The following UNC5C variants were observed in gnomAD, a reference collection of about 807,000 sequenced individuals.
UNC5C encodes the protein unc-5 netrin receptor C.
A neutral mutation model predicts 99.8 loss-of-function variants in UNC5C; 47 were observed. The ratio of observed to expected loss-of-function variants is 0.47; its 90% confidence interval spans 0.37 to 0.60. UNC5C has a LOEUF of 0.60. UNC5C is among the 20% of genes least tolerant of loss of function. UNC5C has a pLI of 0.00. For synonymous variants in UNC5C, 487 were observed against 452.2 expected (o/e 1.08, Z -0.98); for missense variants, 1,062 against 1,165.9 (o/e 0.91, Z 1.30).
chr4:95,423,920 A>T (rs186282624), intron 1 of UNC5C, among the ~76,000 whole-genome samples: 17 of 152,342 alleles, frequency 1.1e-4, no homozygotes, highest in Admixed American at 7.8e-4. Context: ...TAGTATAGTG[A>T]TTATTGTTTC....
chr4:95,493,730 A>C (rs141868284), intron 1 of UNC5C, among the ~76,000 whole-genome samples: 15 of 151,552 alleles, frequency 9.9e-5, no homozygotes, highest in Non-Finnish European at 1.9e-4. Context: ...TAGGAATTTA[A>C]GAAATACTGA....
chr4:95,347,728 C>T (rs1743830517), intron 1 of UNC5C, among the ~76,000 whole-genome samples: 1 of 152,086 alleles, frequency 6.6e-6, no homozygotes, highest in African/African-American at 2.4e-5. Flanking sequence ...AAACTAGACC[C>T]CTATCTCTCA....
chr4:95,489,248 C>T lies in UNC5C; in HGVS notation c.124+59486G>A, dbSNP rs117279811. On this transcript the variant is annotated intron_variant, in intron 1 of 15. Transcript: ENST00000453304. ...AAATGCCTGTAAGAAAGGACATGTT[C>T]AATTTCTGAGGTTGGGACACTGCAA... is the stretch of plus-strand genomic sequence containing the variant. Among the ~76,000 whole-genome samples the T allele has an allele frequency of 4.4e-4, 67 of 151,572 alleles. No individual in the cohort carries two copies. The East Asian group carries it at 0.013, about 29-fold the overall frequency.
intron 1 of UNC5C, among the ~76,000 whole-genome samples, chr4:95,539,721 C>T (rs1008922593): frequency 1.3e-5 from 2 of 152,078 alleles, no homozygotes; most frequent in African/African-American, 4.8e-5. Flanking sequence ...TATTTGTCTT[C>T]TCCTTGTCAT....
rs183935605 is a variant in UNC5C, at chr4:95,452,028, C to A, written c.124+96706G>T. On this transcript the variant is annotated intron_variant, in intron 1 of 15. Coordinates refer to ENST00000453304, the MANE Select transcript of UNC5C (RefSeq NM_003728.4). The stretch of plus-strand genomic sequence containing the variant: ...ACAATTTAAAGATAACCTTTTAAAG[C>A]AAATATTTATGACTCTATAGACATA... 1.0e-3 allele frequency among the ~76,000 whole-genome samples: 152 copies of A among 152,124 alleles called. 1 individual carries two copies. Among genetic ancestry groups the A allele is most frequent in the African/African-American group, 3.6e-3 (149 of 41,490 alleles).
chr4:95,318,512 G>A (rs1031597703), intron 2 of UNC5C, among the ~76,000 whole-genome samples: 3 of 152,206 alleles, frequency 2.0e-5, no homozygotes, highest in African/African-American at 4.8e-5. Flanking sequence ...ATCTGATAGA[G>A]CAAAAAGGTG....
At position 95,335,568 on chromosome 4, in the gene UNC5C, T is replaced by C. The variant is rs1743302877; in HGVS notation, c.188A>G (p.His63Arg). The change falls in exon 2 of 16, where the codon CAT (histidine) becomes CGT (arginine). Residue 63 changes from histidine to arginine, a missense_variant. His to Arg is a conservative substitution (Grantham distance 29). Transcript: ENST00000453304. ...AGCTTCTTCAGGCTCAATAAGGAAATGTGGCAGAGGCTCAGGTGGATCAGA... is the reference window on the plus strand; with the variant it reads ...AGCTTCTTCAGGCTCAATAAGGAAACGTGGCAGAGGCTCAGGTGGATCAGA... ...FPSDPPEPLPHFLIEPEEAYI... is the reference protein window; with the variant it reads ...FPSDPPEPLPRFLIEPEEAYI... The C allele has an allele frequency of 6.2e-7, 1 of 1,612,140 alleles. No individual in the cohort carries two copies. Among genetic ancestry groups the C allele is most frequent in the Non-Finnish European group, 8.5e-7 (1 of 1,178,896 alleles).
At chr4:95,392,171 A>T (rs1745381494) in intron 1 of UNC5C, among the ~76,000 whole-genome samples, 1 of 152,186 alleles carries the variant, frequency 6.6e-6, no homozygotes, top group Non-Finnish European at 1.5e-5. Context: ...AAAACTGGGT[A>T]AGTTTAAAAA....
At chr4:95,415,353 T>A (rs1386794519) in intron 1 of UNC5C, among the ~76,000 whole-genome samples, 1 of 147,502 alleles carries the variant, frequency 6.8e-6, no homozygotes, top group Non-Finnish European at 1.5e-5. Context: ...TTAAAATTGT[T>A]AAAAAAAAAA....
chr4:95,168,196 A>G lies in UNC5C; in HGVS notation c.*1038T>C, dbSNP rs1227162891. 3 of 152,324 alleles carry G rather than the reference A, an allele frequency of 2.0e-5. No individual in the cohort carries two copies. The highest frequency in any genetic ancestry group is 7.2e-5 in the African/African-American group (3 of 41,560). 9.4% of individuals were successfully genotyped at this position (152,324 alleles called of 1,614,324 possible). A position where few individuals can be genotyped will look rare whatever the true frequency, so the allele number is the denominator to read the frequency against. ...AGAAAGACCCTGCCTGAGCAAGCTG[A>G]AGGAACAGACTGACAAAGCCATTCA... On this transcript the variant is annotated 3_prime_UTR_variant, in exon 16 of 16. Transcript: ENST00000453304.
intron 4 of UNC5C, among the ~76,000 whole-genome samples, chr4:95,274,166 A>G (rs1740767123): frequency 6.6e-6 from 1 of 152,214 alleles, no homozygotes; most frequent in Non-Finnish European, 1.5e-5. Context: ...GCTATATAAA[A>G]TTGTGGCATG....
In UNC5C at chr4:95,163,404, A is replaced by G. The variant is rs1469223149; in HGVS notation, c.*5830T>C. On this transcript the variant is annotated 3_prime_UTR_variant, in exon 16 of 16. Coordinates refer to ENST00000453304, the MANE Select transcript of UNC5C (RefSeq NM_003728.4). ...CCCCATTCTCTGATGCTGCCTCCAT[A>G]GTGCTCAGGATCAGAGGCCAAAAGA... 6.6e-6 allele frequency: 1 copy of G among 152,186 alleles called. No homozygotes were observed. Among genetic ancestry groups the G allele is most frequent in the East Asian group, 1.9e-4 (1 of 5,194 alleles). 9.4% of individuals were successfully genotyped at this position (152,186 alleles called of 1,614,324 possible). A position where few individuals can be genotyped will look rare whatever the true frequency, so the allele number is the denominator to read the frequency against.
At chr4:95,441,518 T>C (rs1746949787) in intron 1 of UNC5C, among the ~76,000 whole-genome samples, 1 of 152,192 alleles carries the variant, frequency 6.6e-6, no homozygotes, top group South Asian at 2.1e-4. Context: ...TAAATTACTT[T>C]GGCCTAATGT....
At chr4:95,409,119 T>C (rs1289697955) in intron 1 of UNC5C, among the ~76,000 whole-genome samples, 1 of 152,206 alleles carries the variant, frequency 6.6e-6, no homozygotes, top group Non-Finnish European at 1.5e-5. Flanking sequence ...CTCACATAGT[T>C]CAAAACGCTT....
At chr4:95,529,547 A>G (rs1438667278) in intron 1 of UNC5C, among the ~76,000 whole-genome samples, 1 of 151,676 alleles carries the variant, frequency 6.6e-6, no homozygotes, top group Admixed American at 6.6e-5. Context: ...GAAACATGGC[A>G]AAACCCCATC....
chr4:95,186,738 C>T (rs1736846811), intron 12 of UNC5C, among the ~76,000 whole-genome samples: 1 of 152,168 alleles, frequency 6.6e-6, no homozygotes, highest in African/African-American at 2.4e-5. Flanking sequence ...TGTGGTCCAG[C>T]TGCCTGAGAG....
intron 1 of UNC5C, among the ~76,000 whole-genome samples, chr4:95,425,386 A>T (rs1040576253): frequency 1.3e-5 from 2 of 152,226 alleles, no homozygotes; most frequent in Non-Finnish European, 2.9e-5. Flanking sequence ...CAGTGGCGCG[A>T]TCTCGGCTCA....
At chr4:95,211,773 C>T (rs1285252121) in intron 10 of UNC5C, among the ~76,000 whole-genome samples, 2 of 151,738 alleles carry the variant, frequency 1.3e-5, no homozygotes, top group African/African-American at 4.9e-5. Flanking sequence ...CTTTTTTATC[C>T]ACTTATTTAA....
chr4:95,259,552 C>G (rs1016768139), intron 4 of UNC5C, among the ~76,000 whole-genome samples: 1 of 152,004 alleles, frequency 6.6e-6, no homozygotes, highest in Admixed American at 6.6e-5. Context: ...ATTAAATTGG[C>G]CAATATTGTT....
Sources: gnomAD v4.1 joint callset for allele counts (sites outside exome capture counted in the v4.1 genomes callset) on GRCh38, gnomAD v4.1.1 for gene constraint, MANE v1.5 for transcripts, NCBI Gene and HGNC (gene_info 2026-07-23, HGNC 2026-07-21) for gene names.